YY1: variants seen among roughly 807,000 people sequenced by gnomAD.
YY1 encodes the protein transcriptional repressor protein YY1.
YY1 carries 2 observed loss-of-function variants against 35.6 expected under a neutral mutation model. The observed-to-expected ratio is 0.06, with a 90% confidence interval of 0.02 to 0.18. The LOEUF (loss-of-function observed/expected upper bound fraction) is 0.18, where lower values mean the gene tolerates loss of function less well. YY1 is among the 10% of genes least tolerant of loss of function. YY1 has a pLI of 1.00. For synonymous variants in YY1, 268 were observed against 238.9 expected (o/e 1.12, Z -1.12); for missense variants, 322 against 573.4 (o/e 0.56, Z 4.48).
At chr14:100,267,371 A>G (rs1173836978) in intron 2 of YY1, among the ~76,000 whole-genome samples, 1 of 152,214 alleles carries the variant, frequency 6.6e-6, no homozygotes, top group Non-Finnish European at 1.5e-5. Flanking sequence ...ATGAATGTAA[A>G]TAGCATTTCT....
At chr14:100,245,954 A>C (rs1278454252) in intron 1 of YY1, among the ~76,000 whole-genome samples, 1 of 152,152 alleles carries the variant, frequency 6.6e-6, no homozygotes, top group African/African-American at 2.4e-5. Flanking sequence ...AAGCCACTTA[A>C]CCATTGCATT....
In YY1 at chr14:100,276,377, T is replaced by TG. The variant is rs541048841; in HGVS notation, c.904-107dup. 2.3e-5 allele frequency: 32 copies of TG among 1,410,056 alleles called. No individual in the cohort carries two copies. The highest frequency in any genetic ancestry group is 1.2e-5 in the South Asian group (1 of 84,676). The allele number at this position is 1,410,056 out of a possible 1,614,324, so 87.3% of individuals were successfully genotyped here. ...ACCGTAATACTAAGTAAAATTAAAA[T>TG]GGGGGGTTGGGGAGGTGGTTTTGTT... On this transcript the variant is annotated intron_variant, in intron 3 of 4. Coordinates refer to ENST00000262238, the MANE Select transcript of YY1 (RefSeq NM_003403.5). This position sits in a 1 kb window ranked among gnomAD's most constrained non-coding sequence, Gnocchi z 4.1.
In YY1 at chr14:100,277,687, T is replaced by C. The variant is rs920020295; in HGVS notation, c.*87T>C. The C allele has an allele frequency of 7.1e-7, 1 of 1,408,054 alleles. No individual in the cohort carries two copies. Among genetic ancestry groups the C allele is most frequent in the South Asian group, 1.2e-5 (1 of 81,882 alleles). The allele number at this position is 1,408,054 out of a possible 1,614,324, so 87.2% of individuals were successfully genotyped here. A position where few individuals can be genotyped will look rare whatever the true frequency, so the allele number is the denominator to read the frequency against. ...AAATATGCCTCTCCTTTGTATATTA[T>C]TTCTAGGAAGAATTTTAAAAATGAA... is the stretch of plus-strand genomic sequence containing the variant. On this transcript the variant is annotated 3_prime_UTR_variant, in exon 5 of 5. Transcript: ENST00000262238. This position sits in a 1 kb window ranked among gnomAD's most constrained non-coding sequence, Gnocchi z 5.6.
chr14:100,276,378 G>A lies in YY1; in HGVS notation c.904-112G>A. ...CCGTAATACTAAGTAAAATTAAAAT[G>A]GGGGGTTGGGGAGGTGGTTTTGTTT... is the stretch of plus-strand genomic sequence containing the variant. On this transcript the variant is annotated intron_variant, in intron 3 of 4. Coordinates refer to ENST00000262238, the MANE Select transcript of YY1 (RefSeq NM_003403.5). The surrounding 1 kb of genome is among the most constrained non-coding windows in gnomAD (Gnocchi z 4.1). 7.1e-7 allele frequency: 1 copy of A among 1,400,566 alleles called. No homozygotes were observed. Among genetic ancestry groups the A allele is most frequent in the Non-Finnish European group, 9.9e-7 (1 of 1,006,516 alleles). 86.8% of individuals were successfully genotyped at this position (1,400,566 alleles called of 1,614,324 possible).
In YY1 at chr14:100,239,210, A is replaced by AGGCCGCCGC; in HGVS notation, c.-29_-21dup. 1 of 1,443,816 alleles carries AGGCCGCCGC rather than the reference A, an allele frequency of 6.9e-7. No homozygotes were observed. The highest frequency in any genetic ancestry group is 9.1e-7 in the Non-Finnish European group (1 of 1,103,724). The allele number at this position is 1,443,816 out of a possible 1,614,324, so 89.4% of individuals were successfully genotyped here. ...CCGCCCGCCCGCAGCCGAGGAGCCG[A>AGGCCGCCGC]GGCCGCCGCGGCCGTGGCGGCGGAG... On this transcript the variant is annotated 5_prime_UTR_variant, in exon 1 of 5. Transcript: ENST00000262238.
chr14:100,243,868 G>A (rs1315513299), intron 1 of YY1, among the ~76,000 whole-genome samples: 1 of 152,050 alleles, frequency 6.6e-6, no homozygotes, highest in East Asian at 1.9e-4. Flanking sequence ...CACTTTGGGA[G>A]GCCGAGGCGG....
At chr14:100,268,450 G>A (rs2139595882) in intron 2 of YY1, among the ~76,000 whole-genome samples, 1 of 152,292 alleles carries the variant, frequency 6.6e-6, no homozygotes, top group Non-Finnish European at 1.5e-5. Context: ...TTCCTGTAAA[G>A]TGACCACCTT....
At chr14:100,239,976 G>C in intron 1 of YY1, 53 bp downstream of exon 1, 2 of 1,492,158 alleles carry the variant, frequency 1.3e-6, no homozygotes, top group Non-Finnish European at 1.8e-6. Flanking sequence ...TTGAAGGGAA[G>C]CCATGTTTTA....
At chr14:100,272,847 G>GTA (rs765377374) in intron 2 of YY1, among the ~76,000 whole-genome samples, 4 of 151,590 alleles carry the variant, frequency 2.6e-5, no homozygotes, top group Non-Finnish European at 4.4e-5. Context: ...TATATCACTT[G>GTA]TATCCTCATA....
At chr14:100,265,891 C>G (rs1027785988) in intron 2 of YY1, among the ~76,000 whole-genome samples, 2 of 152,114 alleles carry the variant, frequency 1.3e-5, no homozygotes, top group Non-Finnish European at 2.9e-5. Context: ...TCATGATCCA[C>G]CCGCCTCGGC....
chr14:100,245,630 G>A (rs539970858), intron 1 of YY1, among the ~76,000 whole-genome samples: 1 of 151,480 alleles, frequency 6.6e-6, no homozygotes, highest in African/African-American at 2.4e-5. Flanking sequence ...TTTTTGAAAC[G>A]GAGTCTCGCT....
intron 1 of YY1, among the ~76,000 whole-genome samples, chr14:100,248,111 A>ATTTT (rs966925892): frequency 2.6e-5 from 2 of 75,896 alleles, no homozygotes; most frequent in African/African-American, 6.4e-5. Flanking sequence ...CGCCCGGCTA[A>ATTTT]TTTTTTTTTC....
At chr14:100,268,737 G>A (rs1891190188) in intron 2 of YY1, among the ~76,000 whole-genome samples, 1 of 152,210 alleles carries the variant, frequency 6.6e-6, no homozygotes. Flanking sequence ...GAAGGGAGGT[G>A]AATCATGCTT....
At chr14:100,274,841 G>A in intron 3 of YY1, 83 bp downstream of exon 3, 2 of 1,282,068 alleles carry the variant, frequency 1.6e-6, no homozygotes, top group Non-Finnish European at 2.3e-6. Flanking sequence ...TTTTGTTTCT[G>A]CTTGTGATAA....
intron 1 of YY1, among the ~76,000 whole-genome samples, chr14:100,258,078 G>C (rs891483204): frequency 6.6e-6 from 1 of 151,944 alleles, no homozygotes; most frequent in Non-Finnish European, 1.5e-5. Flanking sequence ...GCTGCAGTGA[G>C]CCATGATTGC....
At chr14:100,243,253 C>T (rs1890778150) in intron 1 of YY1, among the ~76,000 whole-genome samples, 1 of 152,202 alleles carries the variant, frequency 6.6e-6, no homozygotes, top group Admixed American at 6.5e-5. Flanking sequence ...TGTATGTGTA[C>T]ATATGGGTTG....
intron 1 of YY1, among the ~76,000 whole-genome samples, chr14:100,241,289 A>G (rs1890737464): frequency 6.6e-6 from 1 of 152,174 alleles, no homozygotes; most frequent in Non-Finnish European, 1.5e-5. Flanking sequence ...AAATTCTCAG[A>G]ACTGAATGGA....
Position 100,277,355 on chromosome 14 carries a change from T to G in YY1, c.1063-63T>G. On this transcript the variant is annotated intron_variant, in intron 4 of 4. Transcript: ENST00000262238. The surrounding 1 kb of genome is among the most constrained non-coding windows in gnomAD (Gnocchi z 5.6). Reference sequence around the variant, plus strand: ...GCTGTTCTCTAGCAAAGCAGTGAGCTCCTGACTCCCAGGGTCTGGTCAGAG... The same window carrying G: ...GCTGTTCTCTAGCAAAGCAGTGAGCGCCTGACTCCCAGGGTCTGGTCAGAG... 6.3e-7 allele frequency: 1 copy of G among 1,589,532 alleles called. No individual in the cohort carries two copies. Among genetic ancestry groups the G allele is most frequent in the South Asian group, 1.1e-5 (1 of 90,474 alleles).
intron 1 of YY1, among the ~76,000 whole-genome samples, chr14:100,259,306 G>T (rs1891047384): frequency 6.6e-6 from 1 of 152,246 alleles, no homozygotes; most frequent in African/African-American, 2.4e-5. Flanking sequence ...GGATCACGAG[G>T]TCAAGAGATC....
Sources: gnomAD v4.1 joint callset for allele counts (sites outside exome capture counted in the v4.1 genomes callset) on GRCh38, gnomAD v4.1.1 for gene constraint, Gnocchi (gnomAD v3.1) non-coding constraint, MANE v1.5 for transcripts, NCBI Gene and HGNC (gene_info 2026-07-23, HGNC 2026-07-21) for gene names.